Variants in NUP214 observed in about 807,000 individuals in gnomAD.
The protein encoded by NUP214 is nucleoporin 214, also known as nuclear pore complex protein Nup214.
In NUP214, 79 loss-of-function variants were observed where a neutral mutation model predicts 196.2. The observed-to-expected ratio is 0.40, with a 90% confidence interval of 0.34 to 0.49. NUP214 has a LOEUF of 0.49. Ranked by LOEUF, NUP214 falls within the 20% of genes least tolerant of loss-of-function variation. NUP214 has a pLI of 0.58. For missense variants in NUP214, 2,468 were observed against 2,539.0 expected, an observed-to-expected ratio of 0.97 and a Z score of 0.60; for synonymous variants, 1,020 against 990.5, an observed-to-expected ratio of 1.03 and a Z score of -0.56.
chr9:131,231,694 T>C (rs1834883303), intron 34 of NUP214, among the ~76,000 whole-genome samples: 1 of 151,748 alleles, frequency 6.6e-6, no homozygotes, highest in Non-Finnish European at 1.5e-5. Context: ...ACACTCTGCT[T>C]CTTCAGATGG....
At chr9:131,144,830 A>C (rs1195120357) in intron 12 of NUP214, 76 bp downstream of exon 12, 7 of 1,158,098 alleles carry the variant, frequency 6.0e-6, no homozygotes, top group East Asian at 4.9e-5. Context: ...AAGTAGAGTC[A>C]CTCTGAGAGG....
intron 30 of NUP214, among the ~76,000 whole-genome samples, chr9:131,202,413 T>TTTTG (rs552353985): frequency 1.3e-5 from 2 of 151,864 alleles, no homozygotes; most frequent in Non-Finnish European, 2.9e-5. Context: ...ATATATATAT[T>TTTTG]TTTGTTTGTT....
At chr9:131,141,395 A>G (rs548676064) in intron 11 of NUP214, among the ~76,000 whole-genome samples, 8 of 152,292 alleles carry the variant, frequency 5.3e-5, no homozygotes, top group East Asian at 3.9e-4. Context: ...CCTATCCTCC[A>G]TGAAAATGAA....
At chr9:131,144,831 C>T (rs949236449) in intron 12 of NUP214, 77 bp downstream of exon 12, 21 of 1,146,346 alleles carry the variant, frequency 1.8e-5, no homozygotes, top group Non-Finnish European at 2.5e-5. Context: ...AGTAGAGTCA[C>T]TCTGAGAGGA....
At chr9:131,141,388 A>G (rs1453175369) in intron 11 of NUP214, among the ~76,000 whole-genome samples, 4 of 151,938 alleles carry the variant, frequency 2.6e-5, no homozygotes, top group African/African-American at 9.7e-5. Flanking sequence ...TTTGGTACCT[A>G]TCCTCCATGA....
Position 131,133,198 on chromosome 9 carries a change from GCT to G in NUP214, c.823_824del (p.Leu275ThrfsTer36). On this transcript the variant is annotated frameshift_variant, in exon 7 of 36. Transcript: ENST00000359428. LOFTEE classifies it high-confidence loss of function. ...TLETSPDVVM[A>X]LLPKKEEKHP... ...GGAAACGTCTCCAGATGTGGTGATG[GCT>G]CTACTACCGGTATGCCTGTGGAAGA... 1 of 1,570,256 alleles carries G rather than the reference GCT, an allele frequency of 6.4e-7. No individual in the cohort carries two copies.
chr9:131,222,831 A>G lies in NUP214; in HGVS notation c.5803A>G (p.Ser1935Gly). 6.2e-7 allele frequency: 1 copy of G among 1,614,230 alleles called. No individual in the cohort carries two copies. The highest frequency in any genetic ancestry group is 8.5e-7 in the Non-Finnish European group (1 of 1,180,042). Residue 1935 changes from serine (S) to glycine (G), a missense_variant, in exon 32 of 36, where the codon AGC becomes GGC. By Grantham distance (56) the Ser-to-Gly change is moderately conservative. Around this residue, in one of 5 missense-constraint regions of NUP214, gnomAD observed 262 missense variants for 296.5 expected, o/e 0.88. Coordinates refer to ENST00000359428, the MANE Select transcript of NUP214 (RefSeq NM_005085.4). ...SGAKTFGGFA[S>G]SSFGEQKPTG... ...GGCCAAGACATTTGGTGGATTTGCC[A>G]GCTCGTCGTTTGGAGAGCAGAAACC... is the stretch of plus-strand genomic sequence containing the variant.
chr9:131,162,878 T>A, intron 18 of NUP214, 113 bp from the exon 19 acceptor site: 1 of 958,618 alleles, frequency 1.0e-6, no homozygotes, highest in Middle Eastern at 2.1e-4. Flanking sequence ...CCAGTGCTGG[T>A]TCTCCATTTT....
Position 131,140,714 on chromosome 9 carries a change from T to A in NUP214, c.1294+4T>A. 6.2e-7 allele frequency: 1 copy of A among 1,611,798 alleles called. No homozygotes were observed. The highest frequency in any genetic ancestry group is 1.1e-5 in the South Asian group (1 of 90,606). On this transcript the variant is annotated splice_donor_region_variant and intron_variant, in intron 11 of 35. Coordinates refer to ENST00000359428, the MANE Select transcript of NUP214 (RefSeq NM_005085.4). ...GAGCGACAGCCCAAGTCACCAGGTA[T>A]GTGCCTCTGCCTGCTTTATCAGTAA... is the stretch of plus-strand genomic sequence containing the variant.
At chr9:131,159,216 A>G (rs1037043521) in intron 17 of NUP214, 167 bp from the exon 18 acceptor site, 7 of 613,190 alleles carry the variant, frequency 1.1e-5, no homozygotes, top group South Asian at 2.1e-5. Context: ...ACCCGGCCTC[A>G]TTTTAATTAT....
intron 24 of NUP214, among the ~76,000 whole-genome samples, chr9:131,182,150 G>A (rs1250149457): frequency 6.6e-6 from 1 of 152,200 alleles, no homozygotes; most frequent in Non-Finnish European, 1.5e-5. Context: ...TAGTATCACT[G>A]AACTACATGT....
intron 5 of NUP214, among the ~76,000 whole-genome samples, chr9:131,131,873 G>C (rs139746821): frequency 0.012 from 1,845 of 151,924 alleles, 16 homozygotes; most frequent in Middle Eastern, 0.031. Context: ...ATTTTTTGTA[G>C]AGATAGGGTT....
chr9:131,202,145 A>G (rs1833956456), intron 30 of NUP214, among the ~76,000 whole-genome samples: 2 of 152,120 alleles, frequency 1.3e-5, no homozygotes, highest in Non-Finnish European at 2.9e-5. Flanking sequence ...TTATTTTTGT[A>G]GAGACACAGT....
At chr9:131,137,000 C>T (rs1201514262) in intron 9 of NUP214, among the ~76,000 whole-genome samples, 1 of 152,228 alleles carries the variant, frequency 6.6e-6, no homozygotes, top group Admixed American at 6.5e-5. Context: ...ATTTATCTGT[C>T]ACTCTCTGGG....
intron 6 of NUP214, 28 bp from the exon 7 acceptor site, chr9:131,133,078 G>A (rs758080591): frequency 6.6e-7 from 1 of 1,520,854 alleles, no homozygotes; most frequent in Admixed American, 1.7e-5. Flanking sequence ...TCATTTTTAT[G>A]AGCTACTGAT....
intron 25 of NUP214, among the ~76,000 whole-genome samples, chr9:131,188,193 G>A (rs1281071133): frequency 1.3e-5 from 2 of 152,152 alleles, no homozygotes; most frequent in Non-Finnish European, 2.9e-5. Flanking sequence ...AGGTTATCTG[G>A]TTTTCTCCTG....
intron 11 of NUP214, among the ~76,000 whole-genome samples, chr9:131,144,045 A>ATTC (rs552836683): frequency 4.5e-4 from 69 of 152,330 alleles, no homozygotes; most frequent in African/African-American, 1.5e-3. Flanking sequence ...TAGCACTGAG[A>ATTC]AGTCCATGAA....
chr9:131,203,007 G>A (rs1833980559), intron 30 of NUP214, among the ~76,000 whole-genome samples: 1 of 151,260 alleles, frequency 6.6e-6, no homozygotes, highest in Non-Finnish European at 1.5e-5. Context: ...CTGCAGTGGT[G>A]CTATCTCGGC....
At chr9:131,171,896 T>C (rs62580396) in intron 21 of NUP214, among the ~76,000 whole-genome samples, 5,654 of 152,332 alleles carry the variant, frequency 0.037, 164 homozygotes, top group South Asian at 0.082. Context: ...TCATTTTTTA[T>C]GGCTGCATAG....
Sources: gnomAD v4.1 joint callset for allele counts (sites outside exome capture counted in the v4.1 genomes callset) on GRCh38, gnomAD v4.1.1 for gene constraint, gnomAD v4.1.1 regional missense constraint, MANE v1.5 for transcripts, NCBI Gene and HGNC (gene_info 2026-07-23, HGNC 2026-07-21) for gene names.